Variants in KCTD21 observed in about 807,000 individuals in gnomAD.
The protein encoded by KCTD21 is BTB/POZ domain-containing protein KCTD21.
Under a neutral mutation model 13.2 loss-of-function variants are expected in KCTD21, and 9 were observed. That is an observed-to-expected ratio of 0.68 (90% CI 0.41 to 1.19). The LOEUF is 1.19. KCTD21 is among the 50% of genes most tolerant of loss of function. KCTD21 has a pLI of 0.01. For synonymous variants in KCTD21, 142 were observed against 137.4 expected (o/e 1.03, Z -0.23); for missense variants, 303 against 336.5 (o/e 0.90, Z 0.78).
In KCTD21 at chr11:78,175,839, C is replaced by T. The variant is rs1038107583; in HGVS notation, c.-29-1256G>A. Among the ~76,000 whole-genome samples the T allele has an allele frequency of 5.3e-5, 8 of 152,028 alleles. No homozygotes were observed. In the South Asian group the frequency reaches 6.2e-4, roughly 12 times the overall value. ...TGCTGGTGTGCTGCACCCATTAACT[C>T]GTCATTTAGCATTAGGTATATCTCC... On this transcript the variant is annotated intron_variant, in intron 1 of 1. Coordinates refer to ENST00000340067, the MANE Select transcript of KCTD21 (RefSeq NM_001029859.3).
rs1447215706 is a variant in KCTD21, at chr11:78,173,007, A to G, written c.*765T>C. On this transcript the variant is annotated 3_prime_UTR_variant, in exon 2 of 2. Transcript: ENST00000340067. The stretch of plus-strand genomic sequence containing the variant: ...CAAATTTTTGGGAAAACAATGACAA[A>G]AGTCAGGTAACAGGCTGGATTTGGA... 1 of 152,622 alleles carries G rather than the reference A, an allele frequency of 6.6e-6. No homozygotes were observed. The highest frequency in any genetic ancestry group is 1.5e-5 in the Non-Finnish European group (1 of 68,040). 9.5% of individuals were successfully genotyped at this position (152,622 alleles called of 1,614,324 possible).
chr11:78,186,637 C>T, intron 1 of KCTD21: 1 of 934,018 alleles, frequency 1.1e-6, no homozygotes, highest in Non-Finnish European at 1.3e-6. Context: ...ACATGTTAAT[C>T]TCTTTCAATC....
intron 1 of KCTD21, among the ~76,000 whole-genome samples, chr11:78,179,497 A>C (rs1042427965): frequency 1.3e-5 from 2 of 151,910 alleles, no homozygotes; most frequent in African/African-American, 4.8e-5. Context: ...TCAGCCCTAC[A>C]GTTTGTCTTG....
rs367554309 is a variant in KCTD21 at position 78,180,484 on chromosome 11, A to C, written c.-29-5901T>G. On this transcript the variant is annotated intron_variant, in intron 1 of 1. Coordinates refer to ENST00000340067, the MANE Select transcript of KCTD21 (RefSeq NM_001029859.3). ...AAGAACAGCCTGGCCGACATGGTGAAACCCTATCTCTACTTAAACAAAAAC... is the reference window on the plus strand; with the variant it reads ...AAGAACAGCCTGGCCGACATGGTGACACCCTATCTCTACTTAAACAAAAAC... 2.0e-5 allele frequency among the ~76,000 whole-genome samples: 3 copies of C among 152,352 alleles called. No homozygotes were observed. The East Asian group carries it at 5.8e-4, about 29-fold the overall frequency.
At chr11:78,178,136 T>C (rs1356261480) in intron 1 of KCTD21, among the ~76,000 whole-genome samples, 1 of 147,104 alleles carries the variant, frequency 6.8e-6, no homozygotes. Context: ...CTTTTCTTTT[T>C]TTTTTTTTGA....
Position 78,171,589 on chromosome 11 carries a change from T to A in KCTD21, c.*2183A>T, listed in dbSNP as rs1862282218. 1 of 152,390 alleles carries A rather than the reference T, an allele frequency of 6.6e-6. No individual in the cohort carries two copies. The highest frequency in any genetic ancestry group is 6.5e-5 in the Admixed American group (1 of 15,276). 9.4% of individuals were successfully genotyped at this position (152,390 alleles called of 1,614,324 possible). On this transcript the variant is annotated 3_prime_UTR_variant, in exon 2 of 2. Coordinates refer to ENST00000340067, the MANE Select transcript of KCTD21 (RefSeq NM_001029859.3). ...TTCTGCTACTTGGTCTAAACTAGGT[T>A]CTCCATGAGGGGCTCTCCCAAGTAC...
intron 1 of KCTD21, chr11:78,188,250 C>A: frequency 2.0e-6 from 2 of 984,258 alleles, no homozygotes; most frequent in Non-Finnish European, 2.4e-6. Flanking sequence ...CCCACCCCCA[C>A]CTAGAGATCC....
At chr11:78,184,399 C>G (rs1862713017) in intron 1 of KCTD21, among the ~76,000 whole-genome samples, 1 of 151,916 alleles carries the variant, frequency 6.6e-6, no homozygotes, top group Non-Finnish European at 1.5e-5. Context: ...TGCAGTGGCA[C>G]AATCTCGGCT....
rs1456096737 is a variant in KCTD21, at chr11:78,188,574, T to A, written c.-31A>T. The A allele has an allele frequency of 2.0e-6, 2 of 985,462 alleles. No homozygotes were observed. The highest frequency in any genetic ancestry group is 2.4e-6 in the Non-Finnish European group (2 of 830,114). The allele number at this position is 985,462 out of a possible 1,614,324, so 61.0% of individuals were successfully genotyped here. A position where few individuals can be genotyped will look rare whatever the true frequency, so the allele number is the denominator to read the frequency against. ...CGACCCCGGCCGTGCCGCACCCACC[T>A]CCTGCCCTCGCTCTGCAGCCTCTCC... On this transcript the variant is annotated splice_region_variant and 5_prime_UTR_variant, in exon 1 of 2. Transcript: ENST00000340067.
rs1463416561 is a variant in KCTD21, at chr11:78,174,527, C to T, written c.28G>A (p.Gly10Arg). The T allele has an allele frequency of 1.9e-6, 3 of 1,613,098 alleles. No individual in the cohort carries two copies. Among genetic ancestry groups the T allele is most frequent in the South Asian group, 1.1e-5 (1 of 91,008 alleles). The stretch of plus-strand genomic sequence containing the variant: ...AGTGAGGTTGTATAGAGCTTCCCCC[C>T]GACGTTCAGCGTGATGGGGTCGGAC... MSDPITLNVGGKLYTTSLAT... is the reference protein window; with the variant it reads MSDPITLNVRGKLYTTSLAT... The change falls in exon 2 of 2, where the codon GGG becomes AGG. Residue 10 changes from glycine to arginine, a missense_variant. Physicochemically the swap from Gly to Arg is moderately radical, Grantham distance 125. Transcript: ENST00000340067.
Position 78,186,745 on chromosome 11 carries a change from C to T in KCTD21, c.-30+1828G>A, listed in dbSNP as rs371567968. The T allele has an allele frequency of 8.3e-4, 817 of 985,510 alleles. 16 individuals are homozygous for T. The South Asian group carries it at 0.034, about 41-fold the overall frequency. The allele number at this position is 985,510 out of a possible 1,614,324, so 61.0% of individuals were successfully genotyped here. On this transcript the variant is annotated intron_variant, in intron 1 of 1. Coordinates refer to ENST00000340067, the MANE Select transcript of KCTD21 (RefSeq NM_001029859.3). Reference sequence around the variant, plus strand: ...AATTTGGCATCTGCCATCCCCTCTGCCTGGACCTTGAAGACAAATCCCATG... The same window carrying T: ...AATTTGGCATCTGCCATCCCCTCTGTCTGGACCTTGAAGACAAATCCCATG...
intron 1 of KCTD21, among the ~76,000 whole-genome samples, chr11:78,175,893 C>T (rs1206973937): frequency 6.6e-6 from 1 of 152,068 alleles, no homozygotes; most frequent in African/African-American, 2.4e-5. Context: ...CTCCCCCTAC[C>T]CCACAACAGT....
At position 78,174,302 on chromosome 11, in the gene KCTD21, C is replaced by T. The variant is rs754076145; in HGVS notation, c.253G>A (p.Asp85Asn). The change falls in exon 2 of 2, where the codon GAC becomes AAC. Residue 85 changes from aspartate to asparagine, a missense_variant. Transcript: ENST00000340067. ...QEMGLLRREADFYQVQPLIEA... is the reference protein window; with the variant it reads ...QEMGLLRREANFYQVQPLIEA... Reference sequence around the variant, plus strand: ...ATCAGGGGCTGCACCTGGTAGAAGTCGGCCTCCCTGCGGAGCAGCCCCATC... The same window carrying T: ...ATCAGGGGCTGCACCTGGTAGAAGTTGGCCTCCCTGCGGAGCAGCCCCATC... 23 of 1,614,044 alleles carry T rather than the reference C, an allele frequency of 1.4e-5. No individual in the cohort carries two copies. Among genetic ancestry groups the T allele is most frequent in the Admixed American group, 3.3e-5 (2 of 60,022 alleles).
At chr11:78,182,036 G>T (rs1306108914) in intron 1 of KCTD21, among the ~76,000 whole-genome samples, 2 of 152,228 alleles carry the variant, frequency 1.3e-5, no homozygotes, top group African/African-American at 4.8e-5. Context: ...GCAACTGCAT[G>T]TCTCACGTCT....
Position 78,171,372 on chromosome 11 carries a change from TG to T in KCTD21, c.*2399del, listed in dbSNP as rs1469034152. Reference sequence around the variant, plus strand: ...TATTTCACAGATGAAGAAATGGAGGTGGCTCAGTGAGGTGAGTGACTTGCAT... The same window carrying T: ...TATTTCACAGATGAAGAAATGGAGGTGCTCAGTGAGGTGAGTGACTTGCAT... On this transcript the variant is annotated 3_prime_UTR_variant, in exon 2 of 2. Transcript: ENST00000340067. 3 of 152,620 alleles carry T rather than the reference TG, an allele frequency of 2.0e-5. No homozygotes were observed. The highest frequency in any genetic ancestry group is 7.2e-5 in the African/African-American group (3 of 41,434). 9.5% of individuals were successfully genotyped at this position (152,620 alleles called of 1,614,324 possible).
In KCTD21 at chr11:78,174,171, G is replaced by C; in HGVS notation, c.384C>G (p.Arg128=). 6.2e-7 allele frequency: 1 copy of C among 1,614,096 alleles called. No homozygotes were observed. The highest frequency in any genetic ancestry group is 8.5e-7 in the Non-Finnish European group (1 of 1,180,024). ...QRVQTVHFTV[R]EAPQIYSLSS... is the part of the protein sequence containing the mutation. Reference sequence around the variant, plus strand: ...AGAGGCTGTAGATCTGGGGTGCCTCGCGCACAGTGAAGTGGACCGTCTGCA... The same window carrying C: ...AGAGGCTGTAGATCTGGGGTGCCTCCCGCACAGTGAAGTGGACCGTCTGCA... The change falls in exon 2 of 2, where the codon CGC becomes CGG. Residue 128 remains arginine, a synonymous_variant. Coordinates refer to ENST00000340067, the MANE Select transcript of KCTD21 (RefSeq NM_001029859.3).
intron 1 of KCTD21, among the ~76,000 whole-genome samples, chr11:78,181,912 T>C (rs1330387488): frequency 6.6e-6 from 1 of 152,226 alleles, no homozygotes; most frequent in Non-Finnish European, 1.5e-5. Flanking sequence ...AATTATATAT[T>C]GTTGTGAAAC....
chr11:78,180,477 A>G (rs973817890), intron 1 of KCTD21, among the ~76,000 whole-genome samples: 1 of 152,226 alleles, frequency 6.6e-6, no homozygotes, highest in Non-Finnish European at 1.5e-5. Flanking sequence ...CCTGGCCGAC[A>G]TGGTGAAACC....
At position 78,171,920 on chromosome 11, in the gene KCTD21, G is replaced by A. The variant is rs1862291711; in HGVS notation, c.*1852C>T. 1 of 152,356 alleles carries A rather than the reference G, an allele frequency of 6.6e-6. No individual in the cohort carries two copies. The highest frequency in any genetic ancestry group is 1.5e-5 in the Non-Finnish European group (1 of 68,168). The allele number at this position is 152,356 out of a possible 1,614,324, so 9.4% of individuals were successfully genotyped here. On this transcript the variant is annotated 3_prime_UTR_variant, in exon 2 of 2. Transcript: ENST00000340067. ...TGTGCCTGGCAGAAAAGCTGTCAGAGAGACTCCTGGGTCCCACCGTAGGGG... is the reference window on the plus strand; with the variant it reads ...TGTGCCTGGCAGAAAAGCTGTCAGAAAGACTCCTGGGTCCCACCGTAGGGG...
Sources: allele counts gnomAD v4.1 joint callset (sites outside exome capture counted in the v4.1 genomes callset), GRCh38; gene constraint gnomAD v4.1.1; transcripts MANE v1.5; gene names NCBI Gene and HGNC (gene_info 2026-07-23, HGNC 2026-07-21).